The following TRIP11 variants were observed in gnomAD, a reference collection of about 807,000 sequenced individuals.
The protein encoded by TRIP11 is thyroid hormone receptor interactor 11, also known as thyroid receptor-interacting protein 11.
In TRIP11, 148 loss-of-function variants were observed where a neutral mutation model predicts 223.1. That is an observed-to-expected ratio of 0.66 (90% CI 0.58 to 0.76). TRIP11 has a LOEUF of 0.76. Ranked by LOEUF, TRIP11 falls within the 30% of genes least tolerant of loss-of-function variation. The pLI, the probability that TRIP11 is intolerant of heterozygous loss-of-function variation, is 0.00. For synonymous variants in TRIP11, 762 were observed against 772.6 expected (o/e 0.99, Z 0.23); for missense variants, 2,043 against 2,222.0 (o/e 0.92, Z 1.62).
chr14:92,011,483 C>CAAAAAAAA (rs200967942), intron 8 of TRIP11, among the ~76,000 whole-genome samples: 1 of 42,470 alleles, frequency 2.4e-5, no homozygotes, highest in Non-Finnish European at 4.4e-5. Context: ...GACTCCGTCT[C>CAAAAAAAA]AAAAAAAAAA....
At position 92,037,601 on chromosome 14, in the gene TRIP11, C is replaced by T. The variant is rs966155315; in HGVS notation, c.139+1946G>A. On this transcript the variant is annotated intron_variant, in intron 1 of 20. Coordinates refer to ENST00000267622, the MANE Select transcript of TRIP11 (RefSeq NM_004239.4). This position sits in a 1 kb window ranked among gnomAD's most constrained non-coding sequence, Gnocchi z 4.2. ...GAAAAGGTACATTGAAGGTCGGGTG[C>T]GGTGGCTCACGCCTGTAATCCCAGC... 2.0e-5 allele frequency among the ~76,000 whole-genome samples: 3 copies of T among 152,176 alleles called. No individual in the cohort carries two copies. The highest frequency in any genetic ancestry group is 4.1e-4 in the South Asian group (2 of 4,828).
chr14:92,023,272 T>A (rs949799032), intron 3 of TRIP11, among the ~76,000 whole-genome samples: 5 of 152,208 alleles, frequency 3.3e-5, no homozygotes, highest in African/African-American at 1.2e-4. Context: ...AGTATCCTTA[T>A]CCGAATGCTT....
In TRIP11 at chr14:92,036,506, A is replaced by C. The variant is rs547198888; in HGVS notation, c.139+3041T>G. 4.6e-5 allele frequency among the ~76,000 whole-genome samples: 7 copies of C among 152,328 alleles called. No individual in the cohort carries two copies. The South Asian group carries it at 1.0e-3, about 23-fold the overall frequency. ...CCAAAAATCCCACAACTTGTAATGC[A>C]CAAAAGCAGAATTTCAACCCATGTC... On this transcript the variant is annotated intron_variant, in intron 1 of 20. Transcript: ENST00000267622.
intron 16 of TRIP11, among the ~76,000 whole-genome samples, chr14:91,979,630 G>C (rs1316774313): frequency 6.6e-6 from 1 of 152,126 alleles, no homozygotes; most frequent in African/African-American, 2.4e-5. Context: ...AACTCAAGCA[G>C]TAGTTAGAAT....
chr14:92,026,554 G>T, intron 2 of TRIP11: 1 of 1,261,608 alleles, frequency 7.9e-7, no homozygotes, highest in South Asian at 1.2e-5. Context: ...CGGATCACTG[G>T]CGTGCCCTAC....
chr14:92,037,524 G>A lies in TRIP11; in HGVS notation c.139+2023C>T, dbSNP rs928404839. Reference sequence around the variant, plus strand: ...AAATCCCACACGACAGAAGCTGTGCGTACAAGCAAGCATATATATGTGCAC... The same window carrying A: ...AAATCCCACACGACAGAAGCTGTGCATACAAGCAAGCATATATATGTGCAC... On this transcript the variant is annotated intron_variant, in intron 1 of 20. Transcript: ENST00000267622. The surrounding 1 kb of genome is among the most constrained non-coding windows in gnomAD (Gnocchi z 4.2). Among the ~76,000 whole-genome samples, 7 of 152,236 alleles carry A rather than the reference G, an allele frequency of 4.6e-5. No individual in the cohort carries two copies. Among genetic ancestry groups the A allele is most frequent in the South Asian group, 2.1e-4 (1 of 4,832 alleles).
At chr14:92,039,521 C>T (rs771359002) in intron 1 of TRIP11, 26 bp downstream of exon 1, 4 of 1,612,300 alleles carry the variant, frequency 2.5e-6, no homozygotes, top group Non-Finnish European at 3.4e-6. Flanking sequence ...TAGAAAAGCC[C>T]TCCCTTCCCT....
At chr14:92,013,736 G>C (rs567368678) in intron 7 of TRIP11, among the ~76,000 whole-genome samples, 1 of 152,094 alleles carries the variant, frequency 6.6e-6, no homozygotes, top group East Asian at 1.9e-4. Context: ...TTTTTAAAAC[G>C]TAAGTACAAT....
At chr14:92,025,474 G>T in intron 2 of TRIP11, 54 bp from the exon 3 acceptor site, 3 of 1,263,134 alleles carry the variant, frequency 2.4e-6, no homozygotes, top group East Asian at 2.3e-5. Flanking sequence ...CATGTAATTA[G>T]TTATGTGCAC....
intron 20 of TRIP11, among the ~76,000 whole-genome samples, chr14:91,970,235 C>T (rs752304735): frequency 1.3e-5 from 2 of 151,772 alleles, no homozygotes; most frequent in Admixed American, 1.3e-4. Flanking sequence ...GGTGAAACGC[C>T]GTCTCTACTA....
At chr14:92,018,245 C>T (rs1357484568) in intron 4 of TRIP11, among the ~76,000 whole-genome samples, 1 of 151,854 alleles carries the variant, frequency 6.6e-6, no homozygotes, top group Non-Finnish European at 1.5e-5. Context: ...CAAGCACATG[C>T]CAGCATGCTT....
chr14:92,026,270 C>A (rs1460964537), intron 2 of TRIP11, among the ~76,000 whole-genome samples: 2 of 152,108 alleles, frequency 1.3e-5, no homozygotes, highest in East Asian at 1.9e-4. Context: ...CACAAAATAG[C>A]CTAATTCAAT....
In TRIP11 at chr14:92,025,394, A is replaced by C. The variant is rs749737298; in HGVS notation, c.228T>G (p.Thr76=). Residue 76 remains threonine, a synonymous_variant, in exon 3 of 21, where the codon ACT becomes ACG. Coordinates refer to ENST00000267622, the MANE Select transcript of TRIP11 (RefSeq NM_004239.4). The part of the protein sequence containing the change: ...SENERLKKLC[T]DLEEKHEASE... ...ATGCTTCATGTTTCTCTTCTAGATC[A>C]GTACAAAGTTTCTTAAGCCTTTCAT... 6.2e-7 allele frequency: 1 copy of C among 1,613,118 alleles called. No individual in the cohort carries two copies. Among genetic ancestry groups the C allele is most frequent in the Non-Finnish European group, 8.5e-7 (1 of 1,179,870 alleles).
At chr14:92,017,302 G>C (rs1013612091) in intron 5 of TRIP11, among the ~76,000 whole-genome samples, 3 of 152,194 alleles carry the variant, frequency 2.0e-5, no homozygotes, top group African/African-American at 7.2e-5. Context: ...AGCGTTGTGG[G>C]AGGCTGAAGC....
chr14:92,029,280 A>ATTT (rs60778253), intron 2 of TRIP11, among the ~76,000 whole-genome samples: 1,634 of 76,796 alleles, frequency 0.021, 19 homozygotes, highest in East Asian at 0.041. Flanking sequence ...CCAAAGTATT[A>ATTT]TTTTTTTTTT....
chr14:92,026,747 AG>A (rs1442701921), intron 2 of TRIP11: 18 of 1,075,662 alleles, frequency 1.7e-5, no homozygotes, highest in Non-Finnish European at 2.6e-5. Context: ...GAAGAGGAGG[AG>A]GAAGAAGAAG....
At chr14:92,017,570 C>CT in intron 5 of TRIP11, 112 bp downstream of exon 5, 1 of 823,448 alleles carries the variant, frequency 1.2e-6, no homozygotes, top group Non-Finnish European at 2.0e-6. Context: ...GTACCATAAT[C>CT]TATATAATGA....
chr14:91,992,680 C>T (rs550930514), intron 15 of TRIP11, among the ~76,000 whole-genome samples: 112 of 151,842 alleles, frequency 7.4e-4, no homozygotes, highest in African/African-American at 1.2e-3. Context: ...GAGGCCAAGG[C>T]GGGCGGATCA....
intron 20 of TRIP11, among the ~76,000 whole-genome samples, chr14:91,972,242 C>CT (rs1404101952): frequency 6.6e-6 from 1 of 152,156 alleles, no homozygotes; most frequent in Non-Finnish European, 1.5e-5. Flanking sequence ...TTAAACTGCG[C>CT]TTATATATAT....
Sources: gnomAD v4.1 joint callset for allele counts (sites outside exome capture counted in the v4.1 genomes callset) on GRCh38, gnomAD v4.1.1 for gene constraint, Gnocchi (gnomAD v3.1) non-coding constraint, MANE v1.5 for transcripts, NCBI Gene and HGNC (gene_info 2026-07-23, HGNC 2026-07-21) for gene names.